SRP72: variants seen among roughly 807,000 people sequenced by gnomAD.
SRP72 encodes signal recognition particle 72, also known as signal recognition particle subunit SRP72.
In SRP72, 49 loss-of-function variants were observed where a neutral mutation model predicts 96.3. That is an observed-to-expected ratio of 0.51 (90% CI 0.40 to 0.65). SRP72 has a LOEUF of 0.65. Among genes scored for constraint, SRP72 ranks in the 30% least tolerant of loss-of-function variants. The pLI is 0.00. For synonymous variants in SRP72, 267 were observed against 275.2 expected (o/e 0.97, Z 0.30); for missense variants, 736 against 793.3 (o/e 0.93, Z 0.87).
At chr4:56,474,472 C>A in intron 5 of SRP72, 81 bp downstream of exon 5, 1 of 1,185,536 alleles carries the variant, frequency 8.4e-7, no homozygotes. Context: ...CATTTGACTT[C>A]TGTGAAATTA....
intron 8 of SRP72, among the ~76,000 whole-genome samples, chr4:56,482,571 A>T (rs868088779): frequency 6.6e-6 from 1 of 152,164 alleles, no homozygotes; most frequent in South Asian, 2.1e-4. Flanking sequence ...GACTCCTTCT[A>T]TTGTAATATT....
In SRP72 at chr4:56,484,842, C is replaced by G. The variant is rs1368309360; in HGVS notation, c.1064C>G (p.Thr355Arg). 3.1e-6 allele frequency: 5 copies of G among 1,613,048 alleles called. No individual in the cohort carries two copies. The African/African-American group carries it at 6.7e-5, about 22-fold the overall frequency. The change falls in exon 10 of 19, where the codon ACA (threonine) becomes AGA (arginine). Residue 355 changes from threonine (T) to arginine (R), a missense_variant. Coordinates refer to ENST00000642900, the MANE Select transcript of SRP72 (RefSeq NM_006947.4). ...CAGCTCTGCCGTGAAAAGCAGCACACAAAAGCAATAGAGCTGCTTCAGGTA... is the reference window on the plus strand; with the variant it reads ...CAGCTCTGCCGTGAAAAGCAGCACAGAAAAGCAATAGAGCTGCTTCAGGTA... ...AAQLCREKQH[T>R]KAIELLQEFS...
intron 8 of SRP72, among the ~76,000 whole-genome samples, chr4:56,479,414 C>T (rs1292565980): frequency 5.3e-5 from 8 of 152,024 alleles, no homozygotes; most frequent in Admixed American, 2.6e-4. Context: ...CTCCCGACCT[C>T]GTGATCCGCC....
intron 16 of SRP72, among the ~76,000 whole-genome samples, chr4:56,493,178 CAGGTGCCTGCCAT>C (rs1353098429): frequency 6.6e-6 from 1 of 151,910 alleles, no homozygotes; most frequent in Non-Finnish European, 1.5e-5. Context: ...GCTGGGACTA[CAGGTGCCTGCCAT>C]CACGCCTGGC....
intron 5 of SRP72, among the ~76,000 whole-genome samples, chr4:56,475,403 A>AAAAAATAT (rs1553945339): frequency 6.6e-6 from 1 of 150,862 alleles, no homozygotes. Context: ...ACAAAAAAAA[A>AAAAAATAT]ATATATATGT....
intron 6 of SRP72, among the ~76,000 whole-genome samples, chr4:56,478,062 T>C (rs1398206783): frequency 6.6e-6 from 1 of 152,120 alleles, no homozygotes; most frequent in Admixed American, 6.5e-5. Context: ...TTACTTACGT[T>C]TTTTAATTCT....
chr4:56,474,542 CT>C lies in SRP72; in HGVS notation c.610+163del, dbSNP rs112716931. 82,084 of 596,530 alleles carry C rather than the reference CT, an allele frequency of 0.14. 1,599 individuals carry two copies. Among genetic ancestry groups the C allele is most frequent in the East Asian group, 0.24 (7,782 of 32,544 alleles). The allele number at this position is 596,530 out of a possible 1,614,324, so 37.0% of individuals were successfully genotyped here. A position where few individuals can be genotyped will look rare whatever the true frequency, so the allele number is the denominator to read the frequency against. On this transcript the variant is annotated intron_variant, in intron 5 of 18. Coordinates refer to ENST00000642900, the MANE Select transcript of SRP72 (RefSeq NM_006947.4). ...CCAAGTTCCTGTCGTCTTTCTCTCT[CT>C]TTTTTTTTTTTATGGAGTGGGACAG... is the stretch of plus-strand genomic sequence containing the variant.
At chr4:56,475,856 G>A (rs1357785821) in intron 5 of SRP72, 2 of 152,152 alleles carry the variant, frequency 1.3e-5, no homozygotes, top group Non-Finnish European at 2.9e-5. Flanking sequence ...TTACGTATGT[G>A]TCTGTGTGAA....
Position 56,484,816 on chromosome 4 carries a change from C to G in SRP72, c.1038C>G (p.Ala346=), listed in dbSNP as rs1412749250. ...TCTTACCTGTGTTAATCCAAGCTGC[C>G]CAGCTCTGCCGTGAAAAGCAGCACA... The part of the protein sequence containing the change: ...EHLLPVLIQA[A]QLCREKQHTK... The change falls in exon 10 of 19, where the codon GCC becomes GCG. Residue 346 remains alanine, a synonymous_variant. Transcript: ENST00000642900. 1.2e-6 allele frequency: 2 copies of G among 1,614,052 alleles called. No homozygotes were observed. The highest frequency in any genetic ancestry group is 2.2e-5 in the South Asian group (2 of 91,054).
rs997707469 is a variant in SRP72, at chr4:56,491,580, C to A, written c.1640+12C>A. On this transcript the variant is annotated intron_variant, in intron 16 of 18. Coordinates refer to ENST00000642900, the MANE Select transcript of SRP72 (RefSeq NM_006947.4). ...CCAAAGGAACAAGGGTAATATTTTT[C>A]ATTGTAACGTTCTCTAATGCTGATT... 2 of 1,610,762 alleles carry A rather than the reference C, an allele frequency of 1.2e-6. No homozygotes were observed. The highest frequency in any genetic ancestry group is 1.7e-6 in the Non-Finnish European group (2 of 1,178,012).
intron 15 of SRP72, 26 bp downstream of exon 15, chr4:56,490,671 CA>C: frequency 6.3e-7 from 1 of 1,574,858 alleles, no homozygotes; most frequent in Non-Finnish European, 8.7e-7. Context: ...TTATTCCTTA[CA>C]GCTCCTCAGT....
intron 6 of SRP72, among the ~76,000 whole-genome samples, chr4:56,477,754 G>C (rs1040463558): frequency 5.3e-5 from 8 of 152,184 alleles, no homozygotes; most frequent in Non-Finnish European, 1.0e-4. Flanking sequence ...TCCTAGTCTT[G>C]AGTATTCATT....
intron 3 of SRP72, among the ~76,000 whole-genome samples, chr4:56,472,585 G>GATTT: frequency 6.6e-6 from 1 of 152,118 alleles, no homozygotes; most frequent in East Asian, 1.9e-4. Context: ...AGCATCAAGT[G>GATTT]ATTTGCCTGC....
At position 56,467,619 on chromosome 4, in the gene SRP72, C is replaced by A; in HGVS notation, c.-17C>A. 6.5e-7 allele frequency: 1 copy of A among 1,532,640 alleles called. No individual in the cohort carries two copies. Among genetic ancestry groups the A allele is most frequent in the Non-Finnish European group, 8.8e-7 (1 of 1,142,206 alleles). The allele number at this position is 1,532,640 out of a possible 1,614,324, so 94.9% of individuals were successfully genotyped here. ...CGGGGCAGAGGTCTCCCCGCCCCGCCCCTCGTCTCCTCCAAGATGGCGAGC... is the reference window on the plus strand; with the variant it reads ...CGGGGCAGAGGTCTCCCCGCCCCGCACCTCGTCTCCTCCAAGATGGCGAGC... On this transcript the variant is annotated 5_prime_UTR_variant, in exon 1 of 19. Transcript: ENST00000642900.
chr4:56,469,862 G>T, intron 2 of SRP72, 89 bp downstream of exon 2: 1 of 1,250,012 alleles, frequency 8.0e-7, no homozygotes, highest in East Asian at 2.8e-5. Flanking sequence ...ACTATTTGCT[G>T]ATTTTTTTTA....
At chr4:56,495,730 G>A (rs1721055109) in intron 17 of SRP72, among the ~76,000 whole-genome samples, 1 of 152,084 alleles carries the variant, frequency 6.6e-6, no homozygotes, top group Non-Finnish European at 1.5e-5. Flanking sequence ...GTGGTGCCTG[G>A]CACAAAAGTA....
At chr4:56,478,167 T>C (rs907334155) in intron 6 of SRP72, among the ~76,000 whole-genome samples, 1 of 151,530 alleles carries the variant, frequency 6.6e-6, no homozygotes, top group Non-Finnish European at 1.5e-5. Context: ...TTTTTTTTTT[T>C]TTTCTTTAGA....
chr4:56,477,043 C>A, intron 6 of SRP72: 1 of 201,772 alleles, frequency 5.0e-6, no homozygotes, highest in Non-Finnish European at 9.8e-6. Context: ...ATTCAACATT[C>A]CCAATTTACA....
chr4:56,490,672 A>G lies in SRP72; in HGVS notation c.1502+27A>G, dbSNP rs779655120. 7.6e-6 allele frequency: 12 copies of G among 1,576,470 alleles called. No homozygotes were observed. The Admixed American group carries it at 2.0e-4, about 26-fold the overall frequency. ...TATCCTTTTGATTGTTATTCCTTAC[A>G]GCTCCTCAGTAGCACAATAGATCTC... On this transcript the variant is annotated intron_variant, in intron 15 of 18. Coordinates refer to ENST00000642900, the MANE Select transcript of SRP72 (RefSeq NM_006947.4).
Sources: gnomAD v4.1 joint callset for allele counts (sites outside exome capture counted in the v4.1 genomes callset) on GRCh38, gnomAD v4.1.1 for gene constraint, MANE v1.5 for transcripts, NCBI Gene and HGNC (gene_info 2026-07-23, HGNC 2026-07-21) for gene names.